The following MANBA variants were observed in gnomAD, a reference collection of about 807,000 sequenced individuals.
MANBA encodes the protein beta-mannosidase.
A neutral mutation model predicts 111.1 loss-of-function variants in MANBA; 83 were observed. The observed-to-expected ratio is 0.75, with a 90% CI of 0.63 to 0.90. The LOEUF (loss-of-function observed/expected upper bound fraction) is 0.90. Among genes scored for constraint, MANBA ranks in the 40% least tolerant of loss-of-function variants. The pLI, the probability that MANBA is intolerant of heterozygous loss-of-function variation, is 0.00. For missense variants in MANBA, 1,036 were observed against 1,069.0 expected (o/e 0.97, Z 0.43); for synonymous variants, 370 against 378.7 (o/e 0.98, Z 0.27).
In MANBA at chr4:102,657,843, C is replaced by T. The variant is rs1730639985; in HGVS notation, c.1543G>A (p.Ala515Thr). Residue 515 changes from alanine to threonine, a missense_variant, in exon 12 of 17, where the codon GCA (alanine) becomes ACA (threonine). Coordinates refer to ENST00000647097, the MANE Select transcript of MANBA (RefSeq NM_005908.4). The stretch of plus-strand genomic sequence containing the variant: ...GGGTTTTGAGAGACCCAGGCTTCTG[C>T]AACAGTTTCAGCCCCATTTGTAGGA... ...SSPTNGAETVAEAWVSQNPNS... is the reference protein window; with the variant it reads ...SSPTNGAETVTEAWVSQNPNS... 3 of 1,613,850 alleles carry T rather than the reference C, an allele frequency of 1.9e-6. No homozygotes were observed. The highest frequency in any genetic ancestry group is 2.5e-6 in the Non-Finnish European group (3 of 1,179,870).
intron 1 of MANBA, among the ~76,000 whole-genome samples, chr4:102,752,808 A>G (rs1449635027): frequency 6.6e-6 from 1 of 152,190 alleles, no homozygotes; most frequent in Admixed American, 6.5e-5. Context: ...TTTTGTATTT[A>G]TAATAGTTTG....
At chr4:102,651,549 CAG>C in intron 12 of MANBA, among the ~76,000 whole-genome samples, 1 of 152,168 alleles carries the variant, frequency 6.6e-6, no homozygotes, top group South Asian at 2.1e-4. Context: ...TGAAAATATC[CAG>C]AGTTTTAATT....
chr4:102,727,125 G>T, intron 1 of MANBA: 1 of 296,320 alleles, frequency 3.4e-6, no homozygotes. Context: ...AATGAGCAAA[G>T]TGGGAGATCA....
At position 102,635,919 on chromosome 4, in the gene MANBA, C is replaced by A. The variant is rs758450643; in HGVS notation, c.2103G>T (p.Thr701=). 1.9e-5 allele frequency: 31 copies of A among 1,611,044 alleles called. No individual in the cohort carries two copies. Among genetic ancestry groups the A allele is most frequent in the Non-Finnish European group, 2.3e-5 (27 of 1,177,308 alleles). The change falls in exon 15 of 17, where the codon ACG becomes ACT. Residue 701 remains threonine, a synonymous_variant. Transcript: ENST00000647097. ...GATCTGACACACCATAGATATAGAACGTGTTTTCATTCTCAAAGCCTACTG... is the reference window on the plus strand; with the variant it reads ...GATCTGACACACCATAGATATAGAAAGTGTTTTCATTCTCAAAGCCTACTG... ...LLPVGFENEN[T]FYIYGVSDLH... is the part of the protein sequence containing the mutation.
chr4:102,745,178 TC>T (rs992695259), intron 1 of MANBA, among the ~76,000 whole-genome samples: 11 of 152,180 alleles, frequency 7.2e-5, no homozygotes, highest in Admixed American at 5.9e-4. Context: ...TGTCCAGTAG[TC>T]CCCAAAATGT....
At chr4:102,731,904 C>A (rs1225761694) in intron 1 of MANBA, among the ~76,000 whole-genome samples, 1 of 151,428 alleles carries the variant, frequency 6.6e-6, no homozygotes, top group Non-Finnish European at 1.5e-5. Context: ...CCTTTCCACT[C>A]TTTTTACACT....
intron 12 of MANBA, among the ~76,000 whole-genome samples, chr4:102,654,443 T>G (rs1730470897): frequency 6.6e-6 from 1 of 152,224 alleles, no homozygotes; most frequent in Admixed American, 6.5e-5. Context: ...GGTTATGACA[T>G]CATTAAAGTT....
At chr4:102,740,955 A>G (rs919510785) in intron 1 of MANBA, among the ~76,000 whole-genome samples, 3 of 152,210 alleles carry the variant, frequency 2.0e-5, no homozygotes, top group African/African-American at 7.2e-5. Flanking sequence ...GATGGGACCT[A>G]ACTAACCTAA....
intron 13 of MANBA, among the ~76,000 whole-genome samples, chr4:102,643,273 T>C (rs1560743626): frequency 1.3e-5 from 2 of 152,238 alleles, no homozygotes; most frequent in African/African-American, 4.8e-5. Flanking sequence ...TGTATGGAGA[T>C]GCTACATTTT....
At chr4:102,647,044 G>C (rs944046240) in intron 13 of MANBA, among the ~76,000 whole-genome samples, 6 of 151,706 alleles carry the variant, frequency 4.0e-5, no homozygotes, top group African/African-American at 1.5e-4. Context: ...AAAAGAACAG[G>C]GGTTGGAGTA....
chr4:102,697,753 A>C (rs1732796552), intron 5 of MANBA, among the ~76,000 whole-genome samples: 1 of 150,990 alleles, frequency 6.6e-6, no homozygotes, highest in Non-Finnish European at 1.5e-5. Flanking sequence ...AATCCAGTCT[A>C]TCATTGTTGG....
At chr4:102,730,250 T>C (rs980791451) in intron 1 of MANBA, 9 of 564,650 alleles carry the variant, frequency 1.6e-5, no homozygotes, top group Non-Finnish European at 2.5e-5. Flanking sequence ...TTCTTGGTCT[T>C]TTCAGTTAAC....
chr4:102,677,391 A>T (rs951600037), intron 7 of MANBA, among the ~76,000 whole-genome samples: 2 of 152,226 alleles, frequency 1.3e-5, no homozygotes, highest in Non-Finnish European at 2.9e-5. Context: ...ATCAGTGGTG[A>T]TATTAACAAA....
At chr4:102,651,356 C>A (rs1331163983) in intron 12 of MANBA, among the ~76,000 whole-genome samples, 2 of 151,918 alleles carry the variant, frequency 1.3e-5, no homozygotes, top group African/African-American at 4.8e-5. Flanking sequence ...TTTATTTTAT[C>A]CCCTAACTTA....
chr4:102,659,462 C>T (rs1381098753), intron 11 of MANBA, among the ~76,000 whole-genome samples: 1 of 152,138 alleles, frequency 6.6e-6, no homozygotes, highest in Non-Finnish European at 1.5e-5. Flanking sequence ...ATCCTTAACC[C>T]TTTCCTTTGC....
chr4:102,702,104 T>C (rs1325635283), intron 5 of MANBA, among the ~76,000 whole-genome samples: 3 of 151,998 alleles, frequency 2.0e-5, no homozygotes, highest in Non-Finnish European at 4.4e-5. Flanking sequence ...CTTCATTTCA[T>C]TCATTTCATC....
At position 102,700,303 on chromosome 4, in the gene MANBA, A is replaced by C. The variant is rs1578915718; in HGVS notation, c.674-9532T>G. On this transcript the variant is annotated intron_variant, in intron 5 of 16. Transcript: ENST00000647097. Reference sequence around the variant, plus strand: ...TATCAATTTTGTTGATCCTTTCAAAAAACCAGCTCCTGGATTCATTAATTT... The same window carrying C: ...TATCAATTTTGTTGATCCTTTCAAACAACCAGCTCCTGGATTCATTAATTT... Among the ~76,000 whole-genome samples the C allele has an allele frequency of 1.7e-4, 26 of 152,186 alleles. No individual in the cohort carries two copies. The South Asian group carries it at 5.4e-3, about 32-fold the overall frequency.
chr4:102,656,650 C>G lies in MANBA; in HGVS notation c.1704+1032G>C, dbSNP rs2110208688. 1.3e-5 allele frequency among the ~76,000 whole-genome samples: 2 copies of G among 152,210 alleles called. 1 individual carries two copies. Among genetic ancestry groups the G allele is most frequent in the South Asian group, 4.2e-4 (2 of 4,818 alleles). ...CACAAATGTTCCCAGCAGCATTATT[C>G]ATAATAGCCAAACAGAGGAAACAAC... On this transcript the variant is annotated intron_variant, in intron 12 of 16. Transcript: ENST00000647097.
intron 7 of MANBA, among the ~76,000 whole-genome samples, chr4:102,686,309 A>C (rs1732214251): frequency 6.6e-6 from 1 of 152,094 alleles, no homozygotes; most frequent in Admixed American, 6.5e-5. Flanking sequence ...ATTTGAATCC[A>C]CTGTAGCTTT....
Sources: gnomAD v4.1 joint callset for allele counts (sites outside exome capture counted in the v4.1 genomes callset) on GRCh38, gnomAD v4.1.1 for gene constraint, MANE v1.5 for transcripts, NCBI Gene and HGNC (gene_info 2026-07-23, HGNC 2026-07-21) for gene names.